Variants in RBFOX3 observed in about 807,000 individuals in gnomAD.
The protein encoded by RBFOX3 is RNA binding fox-1 homolog 3.
RBFOX3 carries 17 observed loss-of-function variants against 48.7 expected under a neutral mutation model. That is an observed-to-expected ratio of 0.35 (90% CI 0.24 to 0.52). The LOEUF is 0.52. Ranked by LOEUF, RBFOX3 falls within the 20% of genes least tolerant of loss-of-function variation. The pLI is 0.94. For missense variants in RBFOX3, 382 were observed against 497.5 expected, an observed-to-expected ratio of 0.77 and a Z score of 2.21; for synonymous variants, 212 against 209.5, an observed-to-expected ratio of 1.01 and a Z score of -0.10.
Position 79,392,668 on chromosome 17 carries a change from G to A in RBFOX3, c.-174-84844C>T, listed in dbSNP as rs1012337647. On this transcript the variant is annotated intron_variant, in intron 2 of 14. Coordinates refer to ENST00000693108, the MANE Select transcript of RBFOX3 (RefSeq NM_001350451.2). This position sits in a 1 kb window ranked among gnomAD's most constrained non-coding sequence, Gnocchi z 5.0. ...GTGCAGTACCACACCCTCTCTTCCC[G>A]ATATCTGGCAAGCATCGGGCAGTGG... is the stretch of plus-strand genomic sequence containing the variant. 3.3e-5 allele frequency among the ~76,000 whole-genome samples: 5 copies of A among 152,100 alleles called. No individual in the cohort carries two copies. Among genetic ancestry groups the A allele is most frequent in the Non-Finnish European group, 5.9e-5 (4 of 68,040 alleles).
intron 1 of RBFOX3, among the ~76,000 whole-genome samples, chr17:79,517,840 C>T (rs1052357031): frequency 6.6e-6 from 1 of 152,324 alleles, no homozygotes; most frequent in Admixed American, 6.5e-5. Flanking sequence ...CTGGCAACTT[C>T]AGGAGCCGCC....
In RBFOX3 at chr17:79,550,164, G is replaced by C. The variant is rs544984969; in HGVS notation, c.-320+60662C>G. ...TAGGAGAGGTCAGGCAGGAACACAGGGACTTGGGGAAAAAGAGCACTGAGC... is the reference window on the plus strand; with the variant it reads ...TAGGAGAGGTCAGGCAGGAACACAGCGACTTGGGGAAAAAGAGCACTGAGC... On this transcript the variant is annotated intron_variant, in intron 1 of 14. Coordinates refer to ENST00000693108, the MANE Select transcript of RBFOX3 (RefSeq NM_001350451.2). Among the ~76,000 whole-genome samples, 12 of 152,288 alleles carry C rather than the reference G, an allele frequency of 7.9e-5. 1 individual carries two copies. The South Asian group carries it at 2.5e-3, about 32-fold the overall frequency.
chr17:79,101,811 C>T (rs995680588), intron 8 of RBFOX3, among the ~76,000 whole-genome samples, 167 bp from the exon 9 acceptor site: 1 of 152,154 alleles, frequency 6.6e-6, no homozygotes, highest in Non-Finnish European at 1.5e-5. Context: ...CCACTGCTCC[C>T]AGCACGGGCT....
rs150832872 is a variant in RBFOX3 at position 79,202,871 on chromosome 17, T to C, written c.-34+32895A>G. On this transcript the variant is annotated intron_variant, in intron 4 of 14. Coordinates refer to ENST00000693108, the MANE Select transcript of RBFOX3 (RefSeq NM_001350451.2). The stretch of plus-strand genomic sequence containing the variant: ...TAATACCACTGTGTGGGGCAGTCCT[T>C]GGCTGGACGGGGAGAGGACCTGGTG... 7.0e-3 allele frequency among the ~76,000 whole-genome samples: 1,066 copies of C among 152,346 alleles called. 13 individuals are homozygous for C. Among genetic ancestry groups the C allele is most frequent in the African/African-American group, 0.024 (1,008 of 41,574 alleles).
Position 79,175,269 on chromosome 17 carries a change from C to T in RBFOX3, c.-33-59521G>A, listed in dbSNP as rs117853593. ...CCTGTCATTTCCCAACTGGCATCCT[C>T]GCTCTTTCACATAAGGAAACTGAGG... On this transcript the variant is annotated intron_variant, in intron 4 of 14. Transcript: ENST00000693108. Among the ~76,000 whole-genome samples the T allele has an allele frequency of 2.7e-3, 404 of 152,372 alleles. 1 individual carries two copies. Among genetic ancestry groups the T allele is most frequent in the Non-Finnish European group, 4.7e-3 (318 of 68,040 alleles).
chr17:79,447,978 C>T (rs1555739271), intron 2 of RBFOX3, among the ~76,000 whole-genome samples: 1 of 152,114 alleles, frequency 6.6e-6, no homozygotes, highest in Non-Finnish European at 1.5e-5. Flanking sequence ...AAGTGTGTAG[C>T]ACCTCCCCCT....
At chr17:79,367,707 G>A (rs1402094983) in intron 2 of RBFOX3, among the ~76,000 whole-genome samples, 3 of 152,130 alleles carry the variant, frequency 2.0e-5, no homozygotes, top group Non-Finnish European at 4.4e-5. Context: ...GGGAGGACAG[G>A]CAAAGGGAGC....
intron 4 of RBFOX3, among the ~76,000 whole-genome samples, chr17:79,187,341 G>A (rs940370374): frequency 2.0e-5 from 3 of 152,202 alleles, no homozygotes; most frequent in African/African-American, 7.2e-5. Context: ...CCATCCTCAG[G>A]CTTCCCCTGC....
chr17:79,178,107 G>A (rs1205133935), intron 4 of RBFOX3, among the ~76,000 whole-genome samples: 1 of 152,064 alleles, frequency 6.6e-6, no homozygotes, highest in Admixed American at 6.6e-5. Context: ...CATCACTGCC[G>A]GGCTCCTACG....
chr17:79,425,933 G>A (rs1212360462), intron 2 of RBFOX3, among the ~76,000 whole-genome samples: 1 of 152,218 alleles, frequency 6.6e-6, no homozygotes, highest in African/African-American at 2.4e-5. Context: ...GGAAGGTGGT[G>A]CGAGGCGAGG....
At chr17:79,543,844 G>A (rs1236037948) in intron 1 of RBFOX3, among the ~76,000 whole-genome samples, 3 of 142,172 alleles carry the variant, frequency 2.1e-5, no homozygotes, top group South Asian at 2.6e-4. Flanking sequence ...AGGGTGGGCC[G>A]AATGGGGCAA....
intron 1 of RBFOX3, chr17:79,508,684 C>G (rs2083560684): frequency 1.3e-5 from 2 of 152,256 alleles, no homozygotes; most frequent in Admixed American, 1.3e-4. Flanking sequence ...GCACAGCCCC[C>G]TCGCTGGGAG....
Position 79,111,804 on chromosome 17 carries a change from C to T in RBFOX3, c.222+3690G>A, listed in dbSNP as rs1461343744. Among the ~76,000 whole-genome samples the T allele has an allele frequency of 6.6e-6, 1 of 152,214 alleles. No individual in the cohort carries two copies. The highest frequency in any genetic ancestry group is 2.4e-5 in the African/African-American group (1 of 41,452). ...CACAGTACTGGCACCTGCGTGACCC[C>T]GAGTGAGTGAATACATGCTCCAGAT... On this transcript the variant is annotated intron_variant, in intron 5 of 14. Transcript: ENST00000693108. The surrounding 1 kb of genome is among the most constrained non-coding windows in gnomAD (Gnocchi z 4.2).
In RBFOX3 at chr17:79,212,639, T is replaced by A. The variant is rs1230975191; in HGVS notation, c.-34+23127A>T. Among the ~76,000 whole-genome samples the A allele has an allele frequency of 6.6e-6, 1 of 152,206 alleles. No homozygotes were observed. The highest frequency in any genetic ancestry group is 1.9e-4 in the East Asian group (1 of 5,186). On this transcript the variant is annotated intron_variant, in intron 4 of 14. Coordinates refer to ENST00000693108, the MANE Select transcript of RBFOX3 (RefSeq NM_001350451.2). This position sits in a 1 kb window ranked among gnomAD's most constrained non-coding sequence, Gnocchi z 4.7. ...TCCCCAGCCCTGGAGGGCCTCCCCG[T>A]AATTGCAGGCCTTACTCTCTCTGCT... is the stretch of plus-strand genomic sequence containing the variant.
intron 2 of RBFOX3, among the ~76,000 whole-genome samples, chr17:79,407,134 A>G (rs2063651148): frequency 6.6e-6 from 1 of 152,204 alleles, no homozygotes; most frequent in African/African-American, 2.4e-5. Flanking sequence ...CAGCCTCCCA[A>G]GTAGCTGGGA....
At position 79,477,341 on chromosome 17, in the gene RBFOX3, G is replaced by C. The variant is rs1283892138; in HGVS notation, c.-175+5113C>G. Among the ~76,000 whole-genome samples the C allele has an allele frequency of 6.6e-6, 1 of 151,138 alleles. No homozygotes were observed. Among genetic ancestry groups the C allele is most frequent in the Non-Finnish European group, 1.5e-5 (1 of 67,898 alleles). On this transcript the variant is annotated intron_variant, in intron 2 of 14. Transcript: ENST00000693108. The surrounding 1 kb of genome is among the most constrained non-coding windows in gnomAD (Gnocchi z 4.8). ...GGAGGCCAAGGCAGGTGGATCACGA[G>C]GTCAGGAGATCGAGATCATCCTGGC...
At chr17:79,178,577 A>G (rs984894099) in intron 4 of RBFOX3, among the ~76,000 whole-genome samples, 2 of 152,190 alleles carry the variant, frequency 1.3e-5, no homozygotes, top group Admixed American at 6.5e-5. Context: ...GGTTTCTCCA[A>G]CTGAAAACAT....
At position 79,418,324 on chromosome 17, in the gene RBFOX3, G is replaced by A. The variant is rs941641111; in HGVS notation, c.-175+64130C>T. 5.3e-5 allele frequency among the ~76,000 whole-genome samples: 8 copies of A among 152,098 alleles called. No homozygotes were observed. The highest frequency in any genetic ancestry group is 2.1e-4 in the South Asian group (1 of 4,822). On this transcript the variant is annotated intron_variant, in intron 2 of 14. Coordinates refer to ENST00000693108, the MANE Select transcript of RBFOX3 (RefSeq NM_001350451.2). This position sits in a 1 kb window ranked among gnomAD's most constrained non-coding sequence, Gnocchi z 5.0. ...TCCTTGCACACCCACCCATGCACACGCGTGCACACACGTTTCCCACACTAA... is the reference window on the plus strand; with the variant it reads ...TCCTTGCACACCCACCCATGCACACACGTGCACACACGTTTCCCACACTAA...
chr17:79,416,534 C>T (rs925296232), intron 2 of RBFOX3, among the ~76,000 whole-genome samples: 2 of 152,242 alleles, frequency 1.3e-5, no homozygotes, highest in South Asian at 4.1e-4. Flanking sequence ...GGTGTGGCCC[C>T]TGCGATGGCG....
Sources: allele counts gnomAD v4.1 joint callset (sites outside exome capture counted in the v4.1 genomes callset), GRCh38; gene constraint gnomAD v4.1.1; non-coding constraint Gnocchi (gnomAD v3.1); transcripts MANE v1.5; gene names NCBI Gene and HGNC (gene_info 2026-07-23, HGNC 2026-07-21).